The following HRH1 variants were observed in gnomAD, a reference collection of about 807,000 sequenced individuals.
HRH1 encodes histamine receptor H1, also known as histamine H1 receptor.
Under a neutral mutation model 10.3 loss-of-function variants are expected in HRH1, and 6 were observed. That is an observed-to-expected ratio of 0.58 (90% CI 0.32 to 1.15). The LOEUF is 1.15. Ranked by LOEUF, HRH1 falls within the 50% of genes most tolerant of loss-of-function variation. HRH1 has a pLI of 0.05. For synonymous variants in HRH1, 242 were observed against 236.7 expected, an observed-to-expected ratio of 1.02 and a Z score of -0.21; for missense variants, 514 against 615.3, an observed-to-expected ratio of 0.84 and a Z score of 1.74.
At chr3:11,170,162 G>A (rs141155257) in intron 1 of HRH1, among the ~76,000 whole-genome samples, 3 of 152,324 alleles carry the variant, frequency 2.0e-5, no homozygotes, top group South Asian at 4.1e-4. Context: ...GTTATGATCC[G>A]TTCAAGGGTT....
intron 1 of HRH1, among the ~76,000 whole-genome samples, chr3:11,191,288 G>T (rs369308585): frequency 6.6e-6 from 1 of 152,164 alleles, no homozygotes; most frequent in African/African-American, 2.4e-5. Flanking sequence ...GAACAGAAGT[G>T]GGTGGGGAGC....
At chr3:11,203,994 A>G (rs1938026798) in intron 1 of HRH1, among the ~76,000 whole-genome samples, 1 of 152,200 alleles carries the variant, frequency 6.6e-6, no homozygotes, top group Non-Finnish European at 1.5e-5. Flanking sequence ...CCTTTAAGCT[A>G]CCTATATGCC....
chr3:11,172,075 A>G (rs1241257074), intron 1 of HRH1, among the ~76,000 whole-genome samples: 1 of 152,182 alleles, frequency 6.6e-6, no homozygotes, highest in African/African-American at 2.4e-5. Context: ...TTCTCTTGAG[A>G]AAGGGAAAAT....
chr3:11,187,997 T>C (rs1937477572), intron 1 of HRH1, among the ~76,000 whole-genome samples: 1 of 152,150 alleles, frequency 6.6e-6, no homozygotes, highest in African/African-American at 2.4e-5. Flanking sequence ...GTGTATAACA[T>C]AGAAAATAAT....
intron 1 of HRH1, among the ~76,000 whole-genome samples, chr3:11,160,483 G>A (rs75443777): frequency 2.0e-5 from 3 of 152,104 alleles, no homozygotes; most frequent in Non-Finnish European, 2.9e-5. Flanking sequence ...CTAAATTATC[G>A]CTCTCTAACC....
chr3:11,252,162 C>A (rs1939669535), intron 1 of HRH1, among the ~76,000 whole-genome samples: 1 of 152,176 alleles, frequency 6.6e-6, no homozygotes. Flanking sequence ...TATGAGAGTT[C>A]TGTTTCTAGG....
chr3:11,160,712 G>A (rs1936905068), intron 1 of HRH1, among the ~76,000 whole-genome samples: 2 of 152,164 alleles, frequency 1.3e-5, no homozygotes, highest in African/African-American at 4.8e-5. Context: ...CATTTGCACA[G>A]TTCTGTATCT....
intron 1 of HRH1, among the ~76,000 whole-genome samples, chr3:11,242,753 G>A (rs1246078423): frequency 6.6e-6 from 1 of 152,154 alleles, no homozygotes; most frequent in Non-Finnish European, 1.5e-5. Context: ...TCAGGGAAAA[G>A]TAGAAAAGTG....
At chr3:11,139,290 T>A (rs1401003277) in intron 1 of HRH1, among the ~76,000 whole-genome samples, 2 of 151,432 alleles carry the variant, frequency 1.3e-5, no homozygotes, top group South Asian at 2.1e-4. Flanking sequence ...CTTTTTTTTT[T>A]TTATTTTGAG....
chr3:11,142,070 A>G (rs6807919), intron 1 of HRH1, among the ~76,000 whole-genome samples: 11,050 of 152,250 alleles, frequency 0.073, 710 homozygotes, highest in African/African-American at 0.17. Context: ...CTTGGTCTAC[A>G]AGGTATGTGG....
chr3:11,219,053 C>T (rs146551430), intron 1 of HRH1, among the ~76,000 whole-genome samples: 2 of 151,984 alleles, frequency 1.3e-5, no homozygotes, highest in Non-Finnish European at 2.9e-5. Flanking sequence ...CCATGCCCAG[C>T]TAATTTTTTG....
chr3:11,236,551 G>C (rs1451465401), intron 1 of HRH1, among the ~76,000 whole-genome samples: 1 of 152,150 alleles, frequency 6.6e-6, no homozygotes, highest in East Asian at 1.9e-4. Flanking sequence ...ATCTGTACCT[G>C]GCAAGAATAT....
At chr3:11,208,078 C>T (rs1033448175) in intron 1 of HRH1, among the ~76,000 whole-genome samples, 1 of 152,150 alleles carries the variant, frequency 6.6e-6, no homozygotes, top group Admixed American at 6.5e-5. Context: ...CATTTTCTCA[C>T]ATCTCTTTCC....
intron 1 of HRH1, among the ~76,000 whole-genome samples, chr3:11,242,444 G>A (rs1280376641): frequency 8.1e-6 from 1 of 123,212 alleles, no homozygotes; most frequent in African/African-American, 3.1e-5. Context: ...TCATGCCACT[G>A]CACTCCAGCC....
chr3:11,148,423 G>A (rs1936511562), intron 1 of HRH1, among the ~76,000 whole-genome samples: 1 of 152,130 alleles, frequency 6.6e-6, no homozygotes, highest in Non-Finnish European at 1.5e-5. Flanking sequence ...ATGCAAGATA[G>A]AAGTGTCTTT....
intron 1 of HRH1, among the ~76,000 whole-genome samples, chr3:11,204,385 A>G (rs1474603397): frequency 2.0e-5 from 3 of 152,088 alleles, no homozygotes; most frequent in Non-Finnish European, 4.4e-5. Context: ...GTGCTGTTTG[A>G]GCTGAGATTG....
rs752929922 is a variant in HRH1 at position 11,260,201 on chromosome 3, G to A, written c.1164G>A (p.Lys388=). Residue 388 remains lysine (K), a synonymous_variant, in exon 2 of 2, where the codon AAG becomes AAA. Transcript: ENST00000431010. The stretch of plus-strand genomic sequence containing the variant: ...CTAACACAGGCCTGGATTACATCAA[G>A]TTTACTTGGAAGAGGCTCCGCTCGC... ...SGSNTGLDYI[K]FTWKRLRSHS... is the part of the protein sequence containing the mutation. 2 of 1,614,118 alleles carry A rather than the reference G, an allele frequency of 1.2e-6. No homozygotes were observed. The highest frequency in any genetic ancestry group is 1.3e-5 in the African/African-American group (1 of 75,036).
At chr3:11,175,825 A>G (rs745316776) in intron 1 of HRH1, among the ~76,000 whole-genome samples, 27 of 152,274 alleles carry the variant, frequency 1.8e-4, no homozygotes, top group Admixed American at 3.9e-4. Flanking sequence ...AAAACCATGT[A>G]TCATATTCCT....
intron 1 of HRH1, among the ~76,000 whole-genome samples, chr3:11,222,411 GTGT>G (rs1469122899): frequency 6.6e-6 from 1 of 152,162 alleles, no homozygotes; most frequent in African/African-American, 2.4e-5. Context: ...TATATCCCAG[GTGT>G]TGTGTGGAAT....
Sources: gnomAD v4.1 joint callset for allele counts (sites outside exome capture counted in the v4.1 genomes callset) on GRCh38, gnomAD v4.1.1 for gene constraint, MANE v1.5 for transcripts, NCBI Gene and HGNC (gene_info 2026-07-23, HGNC 2026-07-21) for gene names.